The following MPRIP variants were observed in gnomAD, a reference collection of about 807,000 sequenced individuals.
MPRIP encodes myosin phosphatase Rho interacting protein.
Under a neutral mutation model 234.9 loss-of-function variants are expected in MPRIP, and 59 were observed. The ratio of observed to expected loss-of-function variants is 0.25; its 90% CI spans 0.20 to 0.31. MPRIP has a LOEUF of 0.31. Ranked by LOEUF, MPRIP falls within the 10% of genes least tolerant of loss-of-function variation. MPRIP has a pLI of 1.00. For missense variants in MPRIP, 2,436 were observed against 3,071.0 expected, an observed-to-expected ratio of 0.79 and a Z score of 4.89; for synonymous variants, 1,144 against 1,263.9, an observed-to-expected ratio of 0.91 and a Z score of 2.01.
intron 12 of MPRIP, among the ~76,000 whole-genome samples, chr17:17,153,420 C>G (rs1229674728): frequency 1.3e-5 from 2 of 152,078 alleles, no homozygotes; most frequent in Admixed American, 1.3e-4. Flanking sequence ...GGTGCAGAAG[C>G]AGGCCTCCAG....
intron 1 of MPRIP, among the ~76,000 whole-genome samples, chr17:17,045,993 G>A (rs1383264082): frequency 6.6e-6 from 1 of 152,116 alleles, no homozygotes; most frequent in African/African-American, 2.4e-5. Flanking sequence ...TTTTAGTAGA[G>A]ACGAGGTTTC....
At chr17:17,149,035 T>C (rs1040766071) in intron 11 of MPRIP, among the ~76,000 whole-genome samples, 4 of 152,204 alleles carry the variant, frequency 2.6e-5, no homozygotes, top group African/African-American at 9.7e-5. Context: ...AACAATATTT[T>C]CCATGTGACC....
intron 1 of MPRIP, among the ~76,000 whole-genome samples, chr17:17,053,564 G>C (rs1294630469): frequency 6.6e-6 from 1 of 152,184 alleles, no homozygotes; most frequent in South Asian, 2.1e-4. Flanking sequence ...TGGCCCATCT[G>C]CTCTTGAATG....
At chr17:17,112,368 G>A (rs1239019057) in intron 3 of MPRIP, among the ~76,000 whole-genome samples, 2 of 152,140 alleles carry the variant, frequency 1.3e-5, no homozygotes, top group Admixed American at 1.3e-4. Context: ...CCATCTCACA[G>A]CAGCTATGTA....
At chr17:17,145,226 A>T (rs556473552) in intron 9 of MPRIP, among the ~76,000 whole-genome samples, 1 of 152,358 alleles carries the variant, frequency 6.6e-6, no homozygotes, top group Admixed American at 6.5e-5. Context: ...TTGTTCTGGT[A>T]GTTATCCTGA....
chr17:17,189,455 C>T lies in MPRIP; in HGVS notation c.*4561C>T, dbSNP rs1052987126. 1.3e-5 allele frequency: 2 copies of T among 151,524 alleles called. No homozygotes were observed. The highest frequency in any genetic ancestry group is 4.8e-5 in the African/African-American group (2 of 41,244). 9.4% of individuals were successfully genotyped at this position (151,524 alleles called of 1,614,324 possible). ...CCGCCTGTCTCGGCCTCCCAAAGTG[C>T]TGGGATTACAGGCGTGAGCCACCAC... On this transcript the variant is annotated 3_prime_UTR_variant, in exon 24 of 24. Transcript: ENST00000651222.
intron 1 of MPRIP, among the ~76,000 whole-genome samples, chr17:17,069,382 A>G (rs1263969132): frequency 2.0e-5 from 3 of 151,764 alleles, no homozygotes; most frequent in Admixed American, 1.3e-4. Flanking sequence ...TACTCTATCA[A>G]TCTTTTAATT....
intron 1 of MPRIP, among the ~76,000 whole-genome samples, chr17:17,068,884 A>G (rs550280709): frequency 6.6e-6 from 1 of 152,132 alleles, no homozygotes; most frequent in African/African-American, 2.4e-5. Context: ...TGCTTTTGAT[A>G]TATTTTGTAC....
intron 4 of MPRIP, among the ~76,000 whole-genome samples, chr17:17,131,245 A>G (rs1052072559): frequency 3.3e-5 from 5 of 151,972 alleles, no homozygotes; most frequent in African/African-American, 1.2e-4. Flanking sequence ...CAGGGCCAGC[A>G]CCTGCCTCTG....
In MPRIP at chr17:17,190,758, G is replaced by T. The variant is rs541351943; in HGVS notation, c.*5864G>T. On this transcript the variant is annotated 3_prime_UTR_variant, in exon 24 of 24. Coordinates refer to ENST00000651222, the MANE Select transcript of MPRIP (RefSeq NM_001364716.4). Reference sequence around the variant, plus strand: ...ATGGGGCAAGTTTCTGTCTGAACACGTCTTGGGTCCGAGTCCTTAGGTGTT... The same window carrying T: ...ATGGGGCAAGTTTCTGTCTGAACACTTCTTGGGTCCGAGTCCTTAGGTGTT... 1 of 152,132 alleles carries T rather than the reference G, an allele frequency of 6.6e-6. No individual in the cohort carries two copies. The allele number at this position is 152,132 out of a possible 1,614,324, so 9.4% of individuals were successfully genotyped here.
rs1447914256 is a variant in MPRIP at position 17,190,864 on chromosome 17, G to A, written c.*5970G>A. On this transcript the variant is annotated 3_prime_UTR_variant, in exon 24 of 24. Transcript: ENST00000651222. ...TTTCTCTGTATTTAAAAGCAGCTGT[G>A]TTTATTTTCTTCAAAATAACCTGTA... 1 of 152,164 alleles carries A rather than the reference G, an allele frequency of 6.6e-6. No homozygotes were observed. The highest frequency in any genetic ancestry group is 1.5e-5 in the Non-Finnish European group (1 of 68,024). The allele number at this position is 152,164 out of a possible 1,614,324, so 9.4% of individuals were successfully genotyped here.
rs2090797825 is a variant in MPRIP at position 17,140,808 on chromosome 17, TGGCAGCAAG to T, written c.1251-1817_1251-1809del. 2.0e-5 allele frequency among the ~76,000 whole-genome samples: 3 copies of T among 152,328 alleles called. No individual in the cohort carries two copies. The South Asian group carries it at 6.2e-4, about 32-fold the overall frequency. Reference sequence around the variant, plus strand: ...TTTTCCTGGTTGGCCTGCTGGTGACTGGCAGCAAGGACAGCTCCCCATGTAGCCCTAACC... The same window carrying T: ...TTTTCCTGGTTGGCCTGCTGGTGACTGACAGCTCCCCATGTAGCCCTAACC... On this transcript the variant is annotated intron_variant, in intron 7 of 23. Transcript: ENST00000651222.
intron 1 of MPRIP, among the ~76,000 whole-genome samples, chr17:17,075,243 T>C (rs1320325239): frequency 6.6e-6 from 1 of 152,212 alleles, no homozygotes; most frequent in Non-Finnish European, 1.5e-5. Context: ...GCCAGTCAGT[T>C]GATGATTCTT....
At chr17:17,161,680 C>T (rs965437335) in intron 15 of MPRIP, among the ~76,000 whole-genome samples, 5 of 152,238 alleles carry the variant, frequency 3.3e-5, no homozygotes, top group African/African-American at 1.2e-4. Flanking sequence ...AAATACCATA[C>T]ATTTGCATGT....
At position 17,143,596 on chromosome 17, in the gene MPRIP, C is replaced by G. The variant is rs1403671066; in HGVS notation, c.1430C>G (p.Ala477Gly). 6.2e-7 allele frequency: 1 copy of G among 1,604,850 alleles called. No individual in the cohort carries two copies. Among genetic ancestry groups the G allele is most frequent in the African/African-American group, 1.3e-5 (1 of 74,636 alleles). Reference sequence around the variant, plus strand: ...GCCCCCCCAGCTCCTCTCCCAGACGCCTCGGCTTCCCCCCTGTCTCCACAC... The same window carrying G: ...GCCCCCCCAGCTCCTCTCCCAGACGGCTCGGCTTCCCCCCTGTCTCCACAC... ...NEAPPAPLPDASASPLSPHRR... is the reference protein window; with the variant it reads ...NEAPPAPLPDGSASPLSPHRR... The change falls in exon 9 of 24, where the codon GCC becomes GGC. Residue 477 changes from alanine (A) to glycine (G), a missense_variant. Coordinates refer to ENST00000651222, the MANE Select transcript of MPRIP (RefSeq NM_001364716.4).
rs745322999 is a variant in MPRIP at position 17,143,538 on chromosome 17, G to C, written c.1390-18G>C. 1.3e-6 allele frequency: 2 copies of C among 1,554,040 alleles called. No individual in the cohort carries two copies. The highest frequency in any genetic ancestry group is 8.8e-7 in the Non-Finnish European group (1 of 1,137,322). Reference sequence around the variant, plus strand: ...ATTGCCCTGGGCTGCACTGACCAGCGGCTGCTCTCTGCCACAGGACTTCAC... The same window carrying C: ...ATTGCCCTGGGCTGCACTGACCAGCCGCTGCTCTCTGCCACAGGACTTCAC... On this transcript the variant is annotated intron_variant, in intron 8 of 23. Transcript: ENST00000651222.
At chr17:17,134,933 T>A (rs771849019) in intron 5 of MPRIP, among the ~76,000 whole-genome samples, 1 of 152,258 alleles carries the variant, frequency 6.6e-6, no homozygotes, top group Non-Finnish European at 1.5e-5. Context: ...ACCTGTGTCA[T>A]CTGCAAGCCT....
Position 17,175,357 on chromosome 17 carries a change from G to A in MPRIP, c.6815G>A (p.Gly2272Asp). Residue 2272 changes from glycine (G) to aspartate (D), a missense_variant, in exon 20 of 24, where the codon GGT becomes GAT. Physicochemically the swap from Gly to Asp is moderately conservative, Grantham distance 94. This residue lies in a region of MPRIP where 1,998 missense variants were observed against 2,520.3 expected (regional missense o/e 0.79). Transcript: ENST00000651222. The part of the protein sequence containing the change: ...RLRTLLTGDG[G>D]GEATGSPLAQ... ...CGGACGCTGCTGACTGGGGACGGCG[G>A]TGGGGAGGCCACTGGGTCACCCCTT... The A allele has an allele frequency of 6.2e-7, 1 of 1,613,448 alleles. No homozygotes were observed. The highest frequency in any genetic ancestry group is 8.5e-7 in the Non-Finnish European group (1 of 1,179,974).
At chr17:17,125,192 G>A (rs1352033777) in intron 3 of MPRIP, among the ~76,000 whole-genome samples, 1 of 152,242 alleles carries the variant, frequency 6.6e-6, no homozygotes, top group Admixed American at 6.5e-5. Flanking sequence ...GGAGAGCACT[G>A]AGCTGGGCTT....
Sources: gnomAD v4.1 joint callset for allele counts (sites outside exome capture counted in the v4.1 genomes callset) on GRCh38, gnomAD v4.1.1 for gene constraint, gnomAD v4.1.1 regional missense constraint, MANE v1.5 for transcripts, NCBI Gene and HGNC (gene_info 2026-07-23, HGNC 2026-07-21) for gene names.